Variants in DAB1 observed in about 807,000 individuals in gnomAD.
DAB1 encodes disabled homolog 1.
DAB1 carries 15 observed loss-of-function variants against 64.6 expected under a neutral mutation model. The ratio of observed to expected loss-of-function variants is 0.23; its 90% CI spans 0.16 to 0.36. The LOEUF (loss-of-function observed/expected upper bound fraction) is 0.36. DAB1 is among the 10% of genes least tolerant of loss of function. DAB1 has a pLI of 1.00. For missense variants in DAB1, 596 were observed against 706.7 expected (o/e 0.84, Z 1.78); for synonymous variants, 235 against 251.9 (o/e 0.93, Z 0.64).
chr1:57,962,715 T>A (rs1645555728), intron 5 of DAB1, among the ~76,000 whole-genome samples: 1 of 151,946 alleles, frequency 6.6e-6, no homozygotes, highest in South Asian at 2.1e-4. Context: ...TTTTTTTAAT[T>A]TAGCCACACA....
At chr1:58,257,943 C>G (rs188927372) in intron 4 of DAB1, among the ~76,000 whole-genome samples, 1 of 152,254 alleles carries the variant, frequency 6.6e-6, no homozygotes. Flanking sequence ...GGATTCCAGG[C>G]TTTGAGTGTG....
At chr1:58,434,535 C>A (rs542504278) in intron 3 of DAB1, among the ~76,000 whole-genome samples, 5 of 152,114 alleles carry the variant, frequency 3.3e-5, no homozygotes, top group African/African-American at 1.2e-4. Flanking sequence ...ATGGAGGATT[C>A]CTTTTTGACT....
At chr1:58,162,179 G>A (rs570533167) in intron 4 of DAB1, among the ~76,000 whole-genome samples, 72 of 152,262 alleles carry the variant, frequency 4.7e-4, no homozygotes, top group African/African-American at 1.6e-3. Flanking sequence ...TGCCCTTAAA[G>A]TAACGGGAAA....
At chr1:57,372,634 GA>G (rs1298391174) in intron 1 of DAB1, among the ~76,000 whole-genome samples, 6 of 151,934 alleles carry the variant, frequency 3.9e-5, no homozygotes, top group Non-Finnish European at 8.8e-5. Flanking sequence ...TTGCCTTCAA[GA>G]AAATACATCT....
At chr1:57,454,673 G>C (rs1686514851) in intron 7 of DAB1, among the ~76,000 whole-genome samples, 1 of 152,008 alleles carries the variant, frequency 6.6e-6, no homozygotes, top group Non-Finnish European at 1.5e-5. Flanking sequence ...TTAAAAAGTG[G>C]AGTTATAAAG....
intron 5 of DAB1, chr1:58,056,012 C>A: frequency 1.4e-6 from 1 of 725,172 alleles, no homozygotes; most frequent in South Asian, 1.6e-5. Context: ...TGCTAAAATT[C>A]CAGGTGTGAG....
chr1:57,146,599 A>T (rs1659162707), intron 2 of DAB1, among the ~76,000 whole-genome samples: 1 of 152,200 alleles, frequency 6.6e-6, no homozygotes, highest in Non-Finnish European at 1.5e-5. Flanking sequence ...AGAAAAAAAC[A>T]ACAGCAATCA....
rs771051169 is a variant in DAB1, at chr1:57,045,337, G to A, written c.723+17547C>T. ...GAGGAAGGAGGCTAGAACATCCTAG[G>A]CGACTGTGGAAACAGCAACATAGAA... On this transcript the variant is annotated intron_variant, in intron 9 of 14. Coordinates refer to ENST00000371236, the MANE Select transcript of DAB1 (RefSeq NM_001365792.1). Among the ~76,000 whole-genome samples the A allele has an allele frequency of 2.8e-4, 43 of 152,152 alleles. 1 individual carries two copies. Among genetic ancestry groups the A allele is most frequent in the Non-Finnish European group, 7.4e-5 (5 of 68,026 alleles).
At chr1:58,212,312 G>C (rs970709148) in intron 4 of DAB1, among the ~76,000 whole-genome samples, 1 of 152,188 alleles carries the variant, frequency 6.6e-6, no homozygotes, top group African/African-American at 2.4e-5. Flanking sequence ...AAATGATCCT[G>C]TGATGTAGGC....
intron 4 of DAB1, among the ~76,000 whole-genome samples, chr1:58,238,195 A>G (rs1234426733): frequency 6.6e-6 from 1 of 152,188 alleles, no homozygotes; most frequent in Non-Finnish European, 1.5e-5. Context: ...GGATAGACCA[A>G]GGGTCTCTAT....
chr1:57,439,601 TG>T (rs1311969121), intron 7 of DAB1, among the ~76,000 whole-genome samples: 2 of 134,770 alleles, frequency 1.5e-5, no homozygotes, highest in African/African-American at 6.0e-5. Flanking sequence ...GCTAATTTTT[TG>T]TATTTTTAGT....
chr1:57,584,751 A>C (rs777382860), intron 7 of DAB1, among the ~76,000 whole-genome samples: 25 of 152,334 alleles, frequency 1.6e-4, no homozygotes, highest in South Asian at 8.3e-4. Flanking sequence ...CAATGCCTAG[A>C]GAAGTAGTCT....
intron 4 of DAB1, among the ~76,000 whole-genome samples, chr1:58,173,552 G>T (rs1050947167): frequency 6.6e-6 from 1 of 152,022 alleles, no homozygotes; most frequent in Admixed American, 6.5e-5. Context: ...ATACAAAATG[G>T]TTTTTTCTCC....
At chr1:57,660,423 T>C (rs1205855462) in intron 6 of DAB1, among the ~76,000 whole-genome samples, 1 of 152,202 alleles carries the variant, frequency 6.6e-6, no homozygotes, top group African/African-American at 2.4e-5. Flanking sequence ...CAGCCACCAC[T>C]AGCACTTACG....
At chr1:58,238,066 G>A (rs1015415199) in intron 4 of DAB1, among the ~76,000 whole-genome samples, 3 of 152,116 alleles carry the variant, frequency 2.0e-5, no homozygotes, top group Non-Finnish European at 2.9e-5. Context: ...GCAGTACCCC[G>A]TAATTCATTA....
chr1:57,177,739 C>T (rs1433859932), intron 2 of DAB1, among the ~76,000 whole-genome samples: 1 of 151,792 alleles, frequency 6.6e-6, no homozygotes, highest in Non-Finnish European at 1.5e-5. Flanking sequence ...TTTTCACCTT[C>T]TTTTCCTAAT....
intron 2 of DAB1, among the ~76,000 whole-genome samples, chr1:58,510,800 CA>C (rs1189739492): frequency 6.6e-6 from 1 of 151,800 alleles, no homozygotes; most frequent in Non-Finnish European, 1.5e-5. Context: ...AATCAGCATA[CA>C]AAAGTCAGTT....
chr1:57,256,058 T>C (rs12132898), intron 2 of DAB1, among the ~76,000 whole-genome samples: 10,739 of 152,282 alleles, frequency 0.071, 535 homozygotes, highest in East Asian at 0.29. Flanking sequence ...TGCGTTGTTA[T>C]CAGCACGTTA....
intron 4 of DAB1, among the ~76,000 whole-genome samples, chr1:57,089,101 C>A (rs496780): frequency 0.52 from 79,553 of 152,078 alleles, 21,248 homozygotes; most frequent in South Asian, 0.63. Context: ...ACTGTTTCCA[C>A]CTTATAGAAC....
Sources: gnomAD v4.1 joint callset for allele counts (sites outside exome capture counted in the v4.1 genomes callset) on GRCh38, gnomAD v4.1.1 for gene constraint, MANE v1.5 for transcripts, NCBI Gene and HGNC (gene_info 2026-07-23, HGNC 2026-07-21) for gene names.